TTF2: variants seen among roughly 807,000 people sequenced by gnomAD.
TTF2 encodes the protein transcription termination factor 2, also known as RNA polymerase II termination factor.
TTF2 carries 108 observed loss-of-function variants against 142.4 expected under a neutral mutation model. The observed-to-expected ratio is 0.76, with a 90% CI of 0.65 to 0.89. The LOEUF is 0.89. Among genes scored for constraint, TTF2 ranks in the 40% least tolerant of loss-of-function variants. TTF2 has a pLI of 0.00. For missense variants in TTF2, 1,327 were observed against 1,379.8 expected (o/e 0.96, Z 0.61); for synonymous variants, 483 against 506.2 (o/e 0.95, Z 0.61).
rs1054437892 is a variant in TTF2, at chr1:117,090,485, A to G, written c.2497-47A>G. ...ATGGGGAATTTGTTCTATAATAGGC[A>G]GTTAATTTGTATAGCTTCATGCCAG... On this transcript the variant is annotated intron_variant, in intron 14 of 22. Transcript: ENST00000369466. This position sits in a 1 kb window ranked among gnomAD's most constrained non-coding sequence, Gnocchi z 4.8. 1 of 1,541,758 alleles carries G rather than the reference A, an allele frequency of 6.5e-7. No homozygotes were observed. The highest frequency in any genetic ancestry group is 1.4e-5 in the African/African-American group (1 of 72,506).
At chr1:117,061,211 G>A (rs1655658478) in intron 2 of TTF2, among the ~76,000 whole-genome samples, 1 of 151,886 alleles carries the variant, frequency 6.6e-6, no homozygotes, top group Admixed American at 6.6e-5. Context: ...GCAACATGGT[G>A]AAATCCCGTC....
At position 117,107,052 on chromosome 1, in the gene TTF2, G is replaced by A. The variant is rs768115013; in HGVS notation, c.*5528G>A. 1.1e-4 allele frequency: 16 copies of A among 152,102 alleles called. No homozygotes were observed. Among genetic ancestry groups the A allele is most frequent in the African/African-American group, 3.4e-4 (14 of 41,410 alleles). 9.4% of individuals were successfully genotyped at this position (152,102 alleles called of 1,614,324 possible). Reference sequence around the variant, plus strand: ...CATCATAATGCTGCATCTTGTTGACGCTTCAATGCTCACAATTCAAAGGTG... The same window carrying A: ...CATCATAATGCTGCATCTTGTTGACACTTCAATGCTCACAATTCAAAGGTG... On this transcript the variant is annotated 3_prime_UTR_variant, in exon 23 of 23. Coordinates refer to ENST00000369466, the MANE Select transcript of TTF2 (RefSeq NM_003594.4).
chr1:117,065,424 C>T (rs956270107), intron 3 of TTF2, among the ~76,000 whole-genome samples: 1 of 152,118 alleles, frequency 6.6e-6, no homozygotes, highest in Non-Finnish European at 1.5e-5. Flanking sequence ...AGGTGAAACC[C>T]CATCTCTACT....
intron 10 of TTF2, among the ~76,000 whole-genome samples, chr1:117,083,613 G>C (rs1300533721): frequency 6.6e-6 from 1 of 152,128 alleles, no homozygotes. Context: ...TCACACTGAG[G>C]TCATGTGCCA....
At position 117,103,802 on chromosome 1, in the gene TTF2, A is replaced by T. The variant is rs1479414784; in HGVS notation, c.*2278A>T. 1 of 152,328 alleles carries T rather than the reference A, an allele frequency of 6.6e-6. No individual in the cohort carries two copies. Among genetic ancestry groups the T allele is most frequent in the Non-Finnish European group, 1.5e-5 (1 of 68,214 alleles). 9.4% of individuals were successfully genotyped at this position (152,328 alleles called of 1,614,324 possible). The stretch of plus-strand genomic sequence containing the variant: ...ACCCCGTCTCTACTAAAAATACAAA[A>T]ATTAGCTGAGCGTGGTGGCGTGCGC... On this transcript the variant is annotated 3_prime_UTR_variant, in exon 23 of 23. Coordinates refer to ENST00000369466, the MANE Select transcript of TTF2 (RefSeq NM_003594.4).
Position 117,092,059 on chromosome 1 carries a change from G to C in TTF2, c.2805+109G>C, listed in dbSNP as rs1648647829. Reference sequence around the variant, plus strand: ...TCCAGTCTGCTTGATCAAAGGAAATGCTGTTTCGGTTTTTCTATTTTTGTT... The same window carrying C: ...TCCAGTCTGCTTGATCAAAGGAAATCCTGTTTCGGTTTTTCTATTTTTGTT... On this transcript the variant is annotated intron_variant, in intron 17 of 22. Transcript: ENST00000369466. The surrounding 1 kb of genome is among the most constrained non-coding windows in gnomAD (Gnocchi z 4.4). 1.6e-6 allele frequency: 2 copies of C among 1,239,480 alleles called. No individual in the cohort carries two copies. Among genetic ancestry groups the C allele is most frequent in the South Asian group, 1.9e-5 (1 of 52,382 alleles). The allele number at this position is 1,239,480 out of a possible 1,614,324, so 76.8% of individuals were successfully genotyped here.
rs1209557844 is a variant in TTF2 at position 117,085,185 on chromosome 1, A to T, written c.2054+1017A>T. On this transcript the variant is annotated intron_variant, in intron 11 of 22. Transcript: ENST00000369466. This position sits in a 1 kb window ranked among gnomAD's most constrained non-coding sequence, Gnocchi z 4.7. The stretch of plus-strand genomic sequence containing the variant: ...ATCATTCTGAATTATACTTCTTTAT[A>T]TGATAGTAGGGTAACTTGTAGACAC... Among the ~76,000 whole-genome samples the T allele has an allele frequency of 6.6e-6, 1 of 152,334 alleles. No individual in the cohort carries two copies. Among genetic ancestry groups the T allele is most frequent in the East Asian group, 1.9e-4 (1 of 5,192 alleles).
chr1:117,093,047 C>G lies in TTF2; in HGVS notation c.2976+146C>G. ...AATTCTAGCTGATCAGATTCTCCCT[C>G]CAGTCTTAAAGCTTCATTTATTTCA... On this transcript the variant is annotated intron_variant, in intron 18 of 22. Coordinates refer to ENST00000369466, the MANE Select transcript of TTF2 (RefSeq NM_003594.4). The surrounding 1 kb of genome is among the most constrained non-coding windows in gnomAD (Gnocchi z 4.5). 1.1e-6 allele frequency: 1 copy of G among 898,848 alleles called. No homozygotes were observed. Among genetic ancestry groups the G allele is most frequent in the Non-Finnish European group, 1.7e-6 (1 of 597,046 alleles). 55.7% of individuals were successfully genotyped at this position (898,848 alleles called of 1,614,324 possible).
chr1:117,084,412 G>T (rs767105044), intron 11 of TTF2, among the ~76,000 whole-genome samples: 1 of 152,308 alleles, frequency 6.6e-6, no homozygotes, highest in Non-Finnish European at 1.5e-5. Context: ...CTGAGATGCC[G>T]GAGCTGCCAT....
At chr1:117,094,567 G>A (rs1422707292) in intron 18 of TTF2, 1 of 470,016 alleles carries the variant, frequency 2.1e-6, no homozygotes. Flanking sequence ...TCCTCCGTCT[G>A]GACAGGTCCT....
chr1:117,086,351 C>T lies in TTF2; in HGVS notation c.2055-66C>T. 1 of 1,185,876 alleles carries T rather than the reference C, an allele frequency of 8.4e-7. No individual in the cohort carries two copies. Among genetic ancestry groups the T allele is most frequent in the Non-Finnish European group, 1.2e-6 (1 of 800,858 alleles). The allele number at this position is 1,185,876 out of a possible 1,614,324, so 73.5% of individuals were successfully genotyped here. ...GTAGGCATTTTTATTGAAAGATCAA[C>T]TCTGCCTCTCTCATTGTCCCTCTAT... On this transcript the variant is annotated intron_variant, in intron 11 of 22. Coordinates refer to ENST00000369466, the MANE Select transcript of TTF2 (RefSeq NM_003594.4). This position sits in a 1 kb window ranked among gnomAD's most constrained non-coding sequence, Gnocchi z 4.2.
chr1:117,075,861 T>C lies in TTF2; in HGVS notation c.1275+2T>C. ...ACAACACAACTGAAACAAAAGAAGG[T>C]AACTATTGACTCGTGTTTTGTTTCT... is the stretch of plus-strand genomic sequence containing the variant. On this transcript the variant is annotated splice_donor_variant, in intron 5 of 22. Transcript: ENST00000369466. LOFTEE classifies it high-confidence loss of function. The surrounding 1 kb of genome is among the most constrained non-coding windows in gnomAD (Gnocchi z 4.5). 1 of 1,599,902 alleles carries C rather than the reference T, an allele frequency of 6.3e-7. No individual in the cohort carries two copies. The highest frequency in any genetic ancestry group is 1.1e-5 in the South Asian group (1 of 88,768).
chr1:117,084,197 G>A (rs373696584), intron 11 of TTF2, 29 bp downstream of exon 11: 1 of 1,613,198 alleles, frequency 6.2e-7, no homozygotes, highest in Non-Finnish European at 8.5e-7. Flanking sequence ...AGTTGTGGGG[G>A]CGTTCAGCAC....
rs78991540 is a variant in TTF2, at chr1:117,075,187, G to C, written c.603G>C (p.Glu201Asp). ...VQEKKQEEGAEIQCEAETGGT... is the reference protein window; with the variant it reads ...VQEKKQEEGADIQCEAETGGT... Reference sequence around the variant, plus strand: ...AGAAGAAGCAAGAAGAGGGAGCAGAGATTCAGTGTGAGGCAGAGACTGGAG... The same window carrying C: ...AGAAGAAGCAAGAAGAGGGAGCAGACATTCAGTGTGAGGCAGAGACTGGAG... The change falls in exon 5 of 23, where the codon GAG becomes GAC. Residue 201 changes from glutamate (E) to aspartate (D), a missense_variant. Glu to Asp is a conservative substitution (Grantham distance 45). Transcript: ENST00000369466. The surrounding 1 kb of genome is among the most constrained non-coding windows in gnomAD (Gnocchi z 4.5). 751 of 1,614,182 alleles carry C rather than the reference G, an allele frequency of 4.7e-4. 2 individuals carry two copies. The African/African-American group carries it at 9.4e-3, about 20-fold the overall frequency.
rs557240757 is a variant in TTF2 at position 117,084,101 on chromosome 1, C to T, written c.1987C>T (p.Arg663Trp). ...TCATTGGAAAAATGAGGTGGAGAAA[C>T]GGGTGAACAGCAACAAACTAAGAGT... ...IHHWKNEVEK[R>W]VNSNKLRVYL... The change falls in exon 11 of 23, where the codon CGG becomes TGG. Residue 663 changes from arginine to tryptophan, a missense_variant. Transcript: ENST00000369466. 107 of 1,614,124 alleles carry T rather than the reference C, an allele frequency of 6.6e-5. 3 individuals are homozygous for T. In the South Asian group the frequency reaches 1.0e-3, roughly 15 times the overall value.
rs76457284 is a variant in TTF2, at chr1:117,084,900, C to T, written c.2054+732C>T. 3.2e-3 allele frequency among the ~76,000 whole-genome samples: 494 copies of T among 152,270 alleles called. 2 individuals are homozygous for T. Among genetic ancestry groups the T allele is most frequent in the African/African-American group, 0.011 (450 of 41,552 alleles). On this transcript the variant is annotated intron_variant, in intron 11 of 22. Coordinates refer to ENST00000369466, the MANE Select transcript of TTF2 (RefSeq NM_003594.4). ...ATATTTTATCTCCTAAAGAACGGGG[C>T]GGCAGTCTTTCAGGAGTAAGTTGTT...
Position 117,075,989 on chromosome 1 carries a change from G to T in TTF2, c.1275+130G>T, listed in dbSNP as rs545932384. On this transcript the variant is annotated intron_variant, in intron 5 of 22. Coordinates refer to ENST00000369466, the MANE Select transcript of TTF2 (RefSeq NM_003594.4). The surrounding 1 kb of genome is among the most constrained non-coding windows in gnomAD (Gnocchi z 4.5). ...TTTTATAGGTGCATGTTCAGTTTCT[G>T]CCTTTTCCCCTATTTATATTTTCAA... 114 of 1,387,932 alleles carry T rather than the reference G, an allele frequency of 8.2e-5. No individual in the cohort carries two copies. Among genetic ancestry groups the T allele is most frequent in the Admixed American group, 2.6e-4 (10 of 38,372 alleles). The allele number at this position is 1,387,932 out of a possible 1,614,324, so 86.0% of individuals were successfully genotyped here.
chr1:117,086,594 C>T lies in TTF2; in HGVS notation c.2160+72C>T. 9.0e-7 allele frequency: 1 copy of T among 1,108,422 alleles called. No homozygotes were observed. The highest frequency in any genetic ancestry group is 1.5e-5 in the African/African-American group (1 of 64,928). 68.7% of individuals were successfully genotyped at this position (1,108,422 alleles called of 1,614,324 possible). A position where few individuals can be genotyped will look rare whatever the true frequency, so the allele number is the denominator to read the frequency against. ...GTTTAATGGGAGTCTTTCTCAGCCT[C>T]CACGATAGCAAGAGGACCTCCCTGG... is the stretch of plus-strand genomic sequence containing the variant. On this transcript the variant is annotated intron_variant, in intron 12 of 22. Coordinates refer to ENST00000369466, the MANE Select transcript of TTF2 (RefSeq NM_003594.4). This position sits in a 1 kb window ranked among gnomAD's most constrained non-coding sequence, Gnocchi z 4.2.
rs1649384291 is a variant in TTF2 at position 117,099,071 on chromosome 1, G to A, written c.3344+164G>A. Among the ~76,000 whole-genome samples the A allele has an allele frequency of 6.6e-6, 1 of 152,058 alleles. No homozygotes were observed. On this transcript the variant is annotated intron_variant, in intron 22 of 22. Coordinates refer to ENST00000369466, the MANE Select transcript of TTF2 (RefSeq NM_003594.4). This position sits in a 1 kb window ranked among gnomAD's most constrained non-coding sequence, Gnocchi z 4.3. Reference sequence around the variant, plus strand: ...GGCAAACCACAGTCAGGAGAAAAACGAGCAATTTGGGGTAAGCTTGAAGTT... The same window carrying A: ...GGCAAACCACAGTCAGGAGAAAAACAAGCAATTTGGGGTAAGCTTGAAGTT...
Sources: gnomAD v4.1 joint callset for allele counts (sites outside exome capture counted in the v4.1 genomes callset) on GRCh38, gnomAD v4.1.1 for gene constraint, Gnocchi (gnomAD v3.1) non-coding constraint, MANE v1.5 for transcripts, NCBI Gene and HGNC (gene_info 2026-07-23, HGNC 2026-07-21) for gene names.